DST: variants seen among roughly 807,000 people sequenced by gnomAD.
DST encodes the protein bullous pemphigoid antigen.
A neutral mutation model predicts 875.2 loss-of-function variants in DST; 253 were observed. That is an observed-to-expected ratio of 0.29 (90% CI 0.26 to 0.32). The LOEUF is 0.32. DST is among the 10% of genes least tolerant of loss of function. The pLI, the probability that DST is intolerant of heterozygous loss-of-function variation, is 1.00. For synonymous variants in DST, 3,124 were observed against 3,197.1 expected, an observed-to-expected ratio of 0.98 and a Z score of 0.77; for missense variants, 8,287 against 9,111.6, an observed-to-expected ratio of 0.91 and a Z score of 3.68.
chr6:56,740,160 A>G (rs2099541513), intron 4 of DST, among the ~76,000 whole-genome samples: 1 of 152,116 alleles, frequency 6.6e-6, no homozygotes, highest in African/African-American at 2.4e-5. Flanking sequence ...GAGCCACCGC[A>G]CCTGGCCTAC....
chr6:56,662,142 CAAGTT>C (rs1303379349), intron 10 of DST, among the ~76,000 whole-genome samples: 7 of 152,194 alleles, frequency 4.6e-5, no homozygotes, highest in East Asian at 3.9e-4. Flanking sequence ...AGGTAATTAA[CAAGTT>C]AAGAAGTGTT....
chr6:56,789,071 A>T (rs2099710661), intron 4 of DST, among the ~76,000 whole-genome samples: 1 of 152,216 alleles, frequency 6.6e-6, no homozygotes, highest in Admixed American at 6.5e-5. Flanking sequence ...ATATAGTGGT[A>T]CAGTGGTTCA....
At chr6:56,903,614 C>T (rs1332790435) in intron 2 of DST, among the ~76,000 whole-genome samples, 1 of 152,130 alleles carries the variant, frequency 6.6e-6, no homozygotes, top group Non-Finnish European at 1.5e-5. Context: ...TGTGCACCAC[C>T]ATGCCCGGCT....
intron 2 of DST, among the ~76,000 whole-genome samples, chr6:56,934,787 T>C (rs1003588767): frequency 6.6e-6 from 1 of 150,868 alleles, no homozygotes; most frequent in Admixed American, 6.6e-5. Context: ...GTTTAACATA[T>C]ACTCAGAAAA....
intron 10 of DST, among the ~76,000 whole-genome samples, chr6:56,664,384 A>G (rs2099061318): frequency 6.6e-6 from 1 of 152,202 alleles, no homozygotes; most frequent in Non-Finnish European, 1.5e-5. Flanking sequence ...AAAGAAGTCA[A>G]TTTTACTGTG....
intron 47 of DST, among the ~76,000 whole-genome samples, chr6:56,595,688 C>T (rs1478889973): frequency 6.6e-6 from 1 of 152,124 alleles, no homozygotes; most frequent in African/African-American, 2.4e-5. Flanking sequence ...TATAACAGTG[C>T]CCGCCACCTA....
chr6:56,623,639 T>A (rs183959609), intron 36 of DST, among the ~76,000 whole-genome samples: 19 of 152,310 alleles, frequency 1.2e-4, no homozygotes, highest in Admixed American at 1.2e-3. Flanking sequence ...GGAGTTACAT[T>A]AAGCATAATC....
At chr6:56,727,738 A>G (rs2099470422) in intron 5 of DST, among the ~76,000 whole-genome samples, 1 of 152,248 alleles carries the variant, frequency 6.6e-6, no homozygotes, top group Non-Finnish European at 1.5e-5. Context: ...CACAGCAAAG[A>G]GGCCATGTGC....
rs2099769064 is a variant in DST, at chr6:56,818,311, CA to C, written c.625+33085del. 3.3e-5 allele frequency among the ~76,000 whole-genome samples: 5 copies of C among 151,950 alleles called. No individual in the cohort carries two copies. In the East Asian group the frequency reaches 5.8e-4, roughly 18 times the overall value. On this transcript the variant is annotated intron_variant, in intron 4 of 103. Transcript: ENST00000680361. ...TTATCATGAAGGGAAGGAGGGAAAG[CA>C]GGGGGGGAACTAAGGTTCAGAAGGA...
chr6:56,586,760 C>T (rs1382901647), intron 49 of DST, among the ~76,000 whole-genome samples: 4 of 152,090 alleles, frequency 2.6e-5, no homozygotes, highest in African/African-American at 9.7e-5. Flanking sequence ...CACGAAAATC[C>T]GCTCTTCTGC....
At chr6:56,869,904 T>C (rs1473506520) in intron 3 of DST, among the ~76,000 whole-genome samples, 4 of 152,114 alleles carry the variant, frequency 2.6e-5, no homozygotes, top group Non-Finnish European at 5.9e-5. Flanking sequence ...CAGGCTAGTC[T>C]TGAACTCCTG....
chr6:56,746,203 C>A (rs1379541555), intron 4 of DST, among the ~76,000 whole-genome samples: 3 of 152,078 alleles, frequency 2.0e-5, no homozygotes, highest in African/African-American at 7.2e-5. Flanking sequence ...CCAGACCGGT[C>A]TCCAACTCCT....
Position 56,458,039 on chromosome 6 carries a change from A to G in DST, c.*966T>C, listed in dbSNP as rs1400211278. ...ATTAAATGCATACTAATATCTTTCT[A>G]TAGTATGTGAGTACACATAATAAAT... On this transcript the variant is annotated 3_prime_UTR_variant, in exon 104 of 104. Coordinates refer to ENST00000680361, the MANE Select transcript of DST (RefSeq NM_001374736.1). 6.6e-6 allele frequency: 1 copy of G among 152,522 alleles called. No homozygotes were observed. Among genetic ancestry groups the G allele is most frequent in the African/African-American group, 2.4e-5 (1 of 41,436 alleles). 9.4% of individuals were successfully genotyped at this position (152,522 alleles called of 1,614,324 possible). A position where few individuals can be genotyped will look rare whatever the true frequency, so the allele number is the denominator to read the frequency against.
intron 5 of DST, among the ~76,000 whole-genome samples, chr6:56,729,091 T>C (rs932350166): frequency 6.6e-6 from 1 of 152,104 alleles, no homozygotes; most frequent in African/African-American, 2.4e-5. Flanking sequence ...AGTCTATCAG[T>C]GTTCCTTGTA....
chr6:56,728,463 G>C (rs1286786824), intron 5 of DST, among the ~76,000 whole-genome samples: 1 of 152,100 alleles, frequency 6.6e-6, no homozygotes, highest in East Asian at 1.9e-4. Context: ...CAACACCTAG[G>C]GAGACAAAGG....
At chr6:56,686,270 ACGG>A (rs557638455) in intron 9 of DST, among the ~76,000 whole-genome samples, 184 of 152,324 alleles carry the variant, frequency 1.2e-3, no homozygotes, top group African/African-American at 4.2e-3. Context: ...AGATACAGAG[ACGG>A]AACAATAAAC....
intron 4 of DST, among the ~76,000 whole-genome samples, chr6:56,776,205 T>C (rs527518877): frequency 6.6e-6 from 1 of 152,206 alleles, no homozygotes; most frequent in East Asian, 1.9e-4. Flanking sequence ...TAAACCCAAA[T>C]TGAAGGACAT....
intron 2 of DST, among the ~76,000 whole-genome samples, chr6:56,912,831 C>T (rs1799352205): frequency 1.3e-5 from 2 of 152,290 alleles, no homozygotes; most frequent in South Asian, 2.1e-4. Flanking sequence ...TCATTTCTTA[C>T]GTTTCATTAA....
intron 3 of DST, among the ~76,000 whole-genome samples, chr6:56,873,941 T>C (rs909035775): frequency 6.6e-6 from 1 of 152,180 alleles, no homozygotes; most frequent in Non-Finnish European, 1.5e-5. Flanking sequence ...ACACTATGCT[T>C]GTATCAAAGC....
Sources: gnomAD v4.1 joint callset for allele counts (sites outside exome capture counted in the v4.1 genomes callset) on GRCh38, gnomAD v4.1.1 for gene constraint, MANE v1.5 for transcripts, NCBI Gene and HGNC (gene_info 2026-07-23, HGNC 2026-07-21) for gene names.